Variants in PNISR observed in about 807,000 individuals in gnomAD.
PNISR encodes arginine/serine-rich protein PNISR.
Under a neutral mutation model 93.4 loss-of-function variants are expected in PNISR, and 20 were observed. The ratio of observed to expected loss-of-function variants is 0.21; its 90% CI spans 0.15 to 0.31. PNISR has a LOEUF of 0.31. Among genes scored for constraint, PNISR ranks in the 10% least tolerant of loss-of-function variants. The pLI is 1.00. For missense variants in PNISR, 893 were observed against 985.4 expected, an observed-to-expected ratio of 0.91 and a Z score of 1.25; for synonymous variants, 305 against 306.5, an observed-to-expected ratio of 0.99 and a Z score of 0.05.
chr6:99,402,725 C>T lies in PNISR; in HGVS notation c.1157-15G>A, dbSNP rs1173669236. The T allele has an allele frequency of 3.3e-6, 5 of 1,534,360 alleles. No homozygotes were observed. The highest frequency in any genetic ancestry group is 2.3e-5 in the East Asian group (1 of 43,918). On this transcript the variant is annotated splice_polypyrimidine_tract_variant and intron_variant, in intron 10 of 11. Coordinates refer to ENST00000369239, the MANE Select transcript of PNISR (RefSeq NM_032870.4). Reference sequence around the variant, plus strand: ...ACCCAGTCCACCTGTGTGCATAAAGCTCAGTCTATCATATGAAAAAAATTA... The same window carrying T: ...ACCCAGTCCACCTGTGTGCATAAAGTTCAGTCTATCATATGAAAAAAATTA...
Position 99,410,853 on chromosome 6 carries a change from T to C in PNISR, c.389A>G (p.Asp130Gly). Residue 130 changes from aspartate (D) to glycine (G), a missense_variant, in exon 5 of 12, where the codon GAC (aspartate) becomes GGC (glycine). By Grantham distance (94) the Asp-to-Gly change is moderately conservative. Transcript: ENST00000369239. ...GTTGTCAGGGGCAAATTCCCCACTG[T>C]CCTGACTGTTGCTGTCTTCAGAAGG... Reference protein sequence around the residue: ...VPPSEDSNSQDSGEFAPDNRH... With the variant: ...VPPSEDSNSQGSGEFAPDNRH... The C allele has an allele frequency of 6.2e-7, 1 of 1,614,122 alleles. No homozygotes were observed. Among genetic ancestry groups the C allele is most frequent in the Non-Finnish European group, 8.5e-7 (1 of 1,179,980 alleles).
At chr6:99,413,185 T>C (rs537489916) in intron 3 of PNISR, among the ~76,000 whole-genome samples, 9 of 152,292 alleles carry the variant, frequency 5.9e-5, no homozygotes, top group East Asian at 1.9e-4. Flanking sequence ...TTCGAGCCTA[T>C]AGGCCTTTGA....
intron 1 of PNISR, among the ~76,000 whole-genome samples, chr6:99,419,044 G>A (rs1255574456): frequency 2.6e-5 from 4 of 151,218 alleles, no homozygotes; most frequent in African/African-American, 7.3e-5. Flanking sequence ...CAGCTACTCC[G>A]GAGGCTGAGG....
chr6:99,408,106 G>A lies in PNISR; in HGVS notation c.839C>T (p.Pro280Leu). Residue 280 changes from proline (P) to leucine (L), a missense_variant, in exon 7 of 12, where the codon CCT (proline) becomes CTT (leucine). By Grantham distance (98) the Pro-to-Leu change is moderately conservative. Transcript: ENST00000369239. The part of the protein sequence containing the change: ...ATEDAEGGDG[P>L]RLPQRSKFDS... ...AAATTTACTTCTCTGAGGTAAACGAGGGCCATCCCCTCCTTCAGCATCTTC... is the reference window on the plus strand; with the variant it reads ...AAATTTACTTCTCTGAGGTAAACGAAGGCCATCCCCTCCTTCAGCATCTTC... The A allele has an allele frequency of 6.2e-7, 1 of 1,605,248 alleles. No individual in the cohort carries two copies. The highest frequency in any genetic ancestry group is 8.5e-7 in the Non-Finnish European group (1 of 1,177,226).
rs367580755 is a variant in PNISR, at chr6:99,401,063, C to T, written c.1895G>A (p.Ser632Asn). Reference protein sequence around the residue: ...RSRDRRTNRASRSRSRDRRKI... With the variant: ...RSRDRRTNRANRSRSRDRRKI... Reference sequence around the variant, plus strand: ...ACGCCTATCTCGACTCCTACTGCGACTGGCACGATTGGTTCGTCTATCCCT... The same window carrying T: ...ACGCCTATCTCGACTCCTACTGCGATTGGCACGATTGGTTCGTCTATCCCT... Residue 632 changes from serine (S) to asparagine (N), a missense_variant, in exon 12 of 12, where the codon AGT becomes AAT. Physicochemically the swap from Ser to Asn is conservative, Grantham distance 46. Coordinates refer to ENST00000369239, the MANE Select transcript of PNISR (RefSeq NM_032870.4). 5.0e-6 allele frequency: 8 copies of T among 1,613,588 alleles called. No individual in the cohort carries two copies. The highest frequency in any genetic ancestry group is 1.3e-5 in the African/African-American group (1 of 74,928).
At chr6:99,412,190 G>A in intron 4 of PNISR, 1 of 457,224 alleles carries the variant, frequency 2.2e-6, no homozygotes, top group South Asian at 1.6e-5. Flanking sequence ...TCTTTAATTA[G>A]AGGCTAGACA....
At chr6:99,411,195 CAA>C in intron 4 of PNISR, among the ~76,000 whole-genome samples, 1 of 152,222 alleles carries the variant, frequency 6.6e-6, no homozygotes, top group Admixed American at 6.5e-5. Context: ...ACCAAATGCC[CAA>C]AGTTATTTTT....
intron 9 of PNISR, chr6:99,404,319 TA>T (rs1211555229): frequency 4.6e-5 from 20 of 431,582 alleles, no homozygotes; most frequent in Middle Eastern, 6.9e-4. Flanking sequence ...TGTTATCTAT[TA>T]AAAAAAATCA....
At chr6:99,404,246 A>T in intron 9 of PNISR, 1 of 369,508 alleles carries the variant, frequency 2.7e-6, no homozygotes, top group South Asian at 2.9e-5. Context: ...TAAAAATTGT[A>T]GGTAGATAAT....
At chr6:99,411,699 C>G (rs1354145779) in intron 4 of PNISR, 1 of 153,566 alleles carries the variant, frequency 6.5e-6, no homozygotes, top group Non-Finnish European at 1.4e-5. Context: ...ATTGCAGTCT[C>G]AATCCCCTAG....
Position 99,404,073 on chromosome 6 carries a change from G to T in PNISR, c.1103-191C>A, listed in dbSNP as rs1775840320. 9 of 541,682 alleles carry T rather than the reference G, an allele frequency of 1.7e-5. No individual in the cohort carries two copies. The East Asian group carries it at 2.4e-4, about 15-fold the overall frequency. 33.6% of individuals were successfully genotyped at this position (541,682 alleles called of 1,614,324 possible). A position where few individuals can be genotyped will look rare whatever the true frequency, so the allele number is the denominator to read the frequency against. On this transcript the variant is annotated intron_variant, in intron 9 of 11. Coordinates refer to ENST00000369239, the MANE Select transcript of PNISR (RefSeq NM_032870.4). ...TGAAATTATAACTCTGATGTGAGCT[G>T]AAATTGGTTTATAATGAGAAAAAAT...
intron 5 of PNISR, 38 bp downstream of exon 5, chr6:99,410,703 G>A (rs760345346): frequency 1.4e-6 from 2 of 1,419,050 alleles, no homozygotes; most frequent in Admixed American, 3.5e-5. Context: ...TGGATTACGT[G>A]CACATCTACA....
At chr6:99,411,809 T>TTTG (rs1776968264) in intron 4 of PNISR, 3 of 153,210 alleles carry the variant, frequency 2.0e-5, no homozygotes, top group African/African-American at 7.3e-5. Flanking sequence ...TTTTTTTTTT[T>TTTG]TGTAGAGACA....
chr6:99,422,806 A>G (rs4441959), intron 1 of PNISR, among the ~76,000 whole-genome samples: 147,555 of 149,948 alleles, frequency 0.98, 72,644 homozygotes, highest in South Asian at 1. Context: ...CCCGGGAGGC[A>G]GGGGTTGCAA....
intron 2 of PNISR, chr6:99,415,667 G>A (rs1005969898): frequency 1.3e-5 from 2 of 152,018 alleles, no homozygotes; most frequent in African/African-American, 4.8e-5. Context: ...CTTTATTTTT[G>A]TATCCCAAGG....
rs905013789 is a variant in PNISR, at chr6:99,420,676, G to A, written c.-111-4248C>T. 7.2e-5 allele frequency among the ~76,000 whole-genome samples: 11 copies of A among 152,104 alleles called. 1 individual carries two copies. The East Asian group carries it at 1.9e-3, about 27-fold the overall frequency. The stretch of plus-strand genomic sequence containing the variant: ...CTATGGTTTAACAAAATAACATAAC[G>A]TTGTACCATTAAAAATGACATTTAC... On this transcript the variant is annotated intron_variant, in intron 1 of 11. Transcript: ENST00000369239.
chr6:99,423,063 G>T (rs1242618226), intron 1 of PNISR, among the ~76,000 whole-genome samples: 1 of 151,642 alleles, frequency 6.6e-6, no homozygotes, highest in Non-Finnish European at 1.5e-5. Context: ...GATCTTTAAA[G>T]AAATAGCTGA....
intron 10 of PNISR, 30 bp from the exon 11 acceptor site, chr6:99,402,740 G>A: frequency 6.7e-7 from 1 of 1,490,786 alleles, no homozygotes; most frequent in Middle Eastern, 1.8e-4. Context: ...TCTATCATAT[G>A]AAAAAAATTA....
intron 10 of PNISR, 122 bp downstream of exon 10, chr6:99,403,707 C>A: frequency 4.8e-6 from 3 of 630,008 alleles, no homozygotes; most frequent in Non-Finnish European, 8.0e-6. Flanking sequence ...TGACATAACC[C>A]TAAGACCTAG....
Sources: allele counts gnomAD v4.1 joint callset (sites outside exome capture counted in the v4.1 genomes callset), GRCh38; gene constraint gnomAD v4.1.1; transcripts MANE v1.5; gene names NCBI Gene and HGNC (gene_info 2026-07-23, HGNC 2026-07-21).